Variants in LTBP2 observed in about 807,000 individuals in gnomAD.
LTBP2 encodes the protein latent transforming growth factor beta binding protein 2.
LTBP2 carries 103 observed loss-of-function variants against 210.6 expected under a neutral mutation model. That is an observed-to-expected ratio of 0.49 (90% CI 0.42 to 0.58). The LOEUF is 0.58. Among genes scored for constraint, LTBP2 ranks in the 20% least tolerant of loss-of-function variants. The pLI is 0.00. For missense variants in LTBP2, 2,313 were observed against 2,494.5 expected (o/e 0.93, Z 1.55); for synonymous variants, 1,007 against 1,015.0 (o/e 0.99, Z 0.15).
chr14:74,551,810 AT>A (rs1320531487), intron 6 of LTBP2, among the ~76,000 whole-genome samples: 1 of 152,064 alleles, frequency 6.6e-6, no homozygotes, highest in African/African-American at 2.4e-5. Context: ...AGCATTCTGT[AT>A]TTTTTTGGCA....
chr14:74,503,732 CCCAG>C, intron 31 of LTBP2, 126 bp from the exon 32 acceptor site: 1 of 1,358,076 alleles, frequency 7.4e-7, no homozygotes, highest in South Asian at 1.3e-5. Context: ...CTCAACCCAG[CCCAG>C]CCTGGAAGGC....
chr14:74,508,688 C>T lies in LTBP2; in HGVS notation c.3568G>A (p.Gly1190Ser), dbSNP rs765603513. 8.7e-6 allele frequency: 14 copies of T among 1,613,608 alleles called. No individual in the cohort carries two copies. The highest frequency in any genetic ancestry group is 4.0e-5 in the African/African-American group (3 of 74,918). The change falls in exon 24 of 36, where the codon GGC becomes AGC. Residue 1190 changes from glycine (G) to serine (S), a missense_variant. Gly to Ser is a moderately conservative substitution (Grantham distance 56). Around this residue, in one of 3 missense-constraint regions of LTBP2, gnomAD observed 1,867 missense variants for 1,976.9 expected, o/e 0.94. Transcript: ENST00000261978. Reference sequence around the variant, plus strand: ...GACCCGTGGCTGTTGAGGCACTCGCCGTGGGGTGCGCAGTGCTCCTCCCCC... The same window carrying T: ...GACCCGTGGCTGTTGAGGCACTCGCTGTGGGGTGCGCAGTGCTCCTCCCCC... ...CMGEEHCAPH[G>S]ECLNSHGSFF...
Position 74,506,789 on chromosome 14 carries a change from G to T in LTBP2, c.3942C>A (p.Gly1314=). Residue 1314 remains glycine (G), a synonymous_variant, in exon 27 of 36, where the codon GGC becomes GGA. Transcript: ENST00000261978. ...IDECANDTMC[G]SHGFCDNTDG... is the part of the protein sequence containing the mutation. ...CAGTGTTGTCACAGAAGCCGTGGCT[G>T]CCACACATGGTGTCGTTGGCGCACT... is the stretch of plus-strand genomic sequence containing the variant. 1 of 1,614,074 alleles carries T rather than the reference G, an allele frequency of 6.2e-7. No individual in the cohort carries two copies. Among genetic ancestry groups the T allele is most frequent in the Non-Finnish European group, 8.5e-7 (1 of 1,180,022 alleles).
chr14:74,574,435 A>T (rs8006807), intron 3 of LTBP2, among the ~76,000 whole-genome samples: 15,070 of 152,220 alleles, frequency 0.099, 1,085 homozygotes, highest in African/African-American at 0.2. Context: ...ACACGACACA[A>T]TTGACCAAAA....
At chr14:74,609,514 T>C (rs531502189) in intron 1 of LTBP2, among the ~76,000 whole-genome samples, 156 of 152,120 alleles carry the variant, frequency 1.0e-3, no homozygotes, top group African/African-American at 3.7e-3. Context: ...GCCCAAGCTA[T>C]GTCTCTAGGT....
Position 74,503,552 on chromosome 14 carries a change from T to C in LTBP2, c.4637A>G (p.Glu1546Gly). The part of the protein sequence containing the change: ...ACENGECVNT[E>G]GSFHCFCSPP... The stretch of plus-strand genomic sequence containing the variant: ...GCTGCAGAAGCAGTGGAAGGAGCCC[T>C]CCGTGTTGACGCACTCGCCATTCTC... Residue 1546 changes from glutamate (E) to glycine (G), a missense_variant, in exon 32 of 36, where the codon GAG becomes GGG. Physicochemically the swap from Glu to Gly is moderately conservative, Grantham distance 98 (BLOSUM62 -2). Coordinates refer to ENST00000261978, the MANE Select transcript of LTBP2 (RefSeq NM_000428.3). 4 of 1,613,854 alleles carry C rather than the reference T, an allele frequency of 2.5e-6. No homozygotes were observed. Among genetic ancestry groups the C allele is most frequent in the Non-Finnish European group, 3.4e-6 (4 of 1,179,996 alleles).
intron 3 of LTBP2, among the ~76,000 whole-genome samples, chr14:74,567,360 TGC>T (rs2087918332): frequency 6.6e-6 from 1 of 152,156 alleles, no homozygotes; most frequent in African/African-American, 2.4e-5. Context: ...CTCGAGATCC[TGC>T]GCGGCCTTTG....
rs571635971 is a variant in LTBP2, at chr14:74,545,858, T to C, written c.1789+4005A>G. Among the ~76,000 whole-genome samples the C allele has an allele frequency of 7.2e-5, 11 of 152,306 alleles. No individual in the cohort carries two copies. In the South Asian group the frequency reaches 2.3e-3, roughly 32 times the overall value. On this transcript the variant is annotated intron_variant, in intron 8 of 35. Coordinates refer to ENST00000261978, the MANE Select transcript of LTBP2 (RefSeq NM_000428.3). Reference sequence around the variant, plus strand: ...AGTTCAGCTGGGTACACATTACCTCTACCACTCAGAGTGAAGGGAGCAGAG... The same window carrying C: ...AGTTCAGCTGGGTACACATTACCTCCACCACTCAGAGTGAAGGGAGCAGAG...
intron 2 of LTBP2, among the ~76,000 whole-genome samples, chr14:74,592,668 C>T (rs2088298447): frequency 6.6e-6 from 1 of 152,120 alleles, no homozygotes; most frequent in African/African-American, 2.4e-5. Flanking sequence ...CAGTGCACTC[C>T]AGCCTGGGCA....
chr14:74,514,306 G>A (rs879787587), intron 18 of LTBP2, among the ~76,000 whole-genome samples: 16 of 152,334 alleles, frequency 1.1e-4, no homozygotes, highest in Admixed American at 2.6e-4. Context: ...GCCCATGGCC[G>A]ACACAGCTGG....
chr14:74,605,527 G>A (rs951825205), intron 1 of LTBP2, among the ~76,000 whole-genome samples: 3 of 152,192 alleles, frequency 2.0e-5, no homozygotes, highest in Admixed American at 1.3e-4. Flanking sequence ...GGGAAACTAC[G>A]TACCCACTTT....
At chr14:74,504,408 A>G (rs1287472029) in intron 30 of LTBP2, among the ~76,000 whole-genome samples, 1 of 152,134 alleles carries the variant, frequency 6.6e-6, no homozygotes, top group Non-Finnish European at 1.5e-5. Context: ...TGTTCCCCAG[A>G]GTTTCTGGCC....
Position 74,499,851 on chromosome 14 carries a change from C to G in LTBP2, c.*1033G>C, listed in dbSNP as rs572909673. 1.7e-5 allele frequency: 4 copies of G among 230,712 alleles called. No homozygotes were observed. The highest frequency in any genetic ancestry group is 3.4e-5 in the Non-Finnish European group (4 of 116,554). The allele number at this position is 230,712 out of a possible 1,614,324, so 14.3% of individuals were successfully genotyped here. On this transcript the variant is annotated 3_prime_UTR_variant, in exon 36 of 36. Transcript: ENST00000261978. Reference sequence around the variant, plus strand: ...GCTTGTAAACTCAGAGGAATGCCTGCCATCGTTTTCTGAAGGGAAAGGGCA... The same window carrying G: ...GCTTGTAAACTCAGAGGAATGCCTGGCATCGTTTTCTGAAGGGAAAGGGCA...
chr14:74,506,628 A>G, intron 27 of LTBP2, 70 bp downstream of exon 27: 2 of 1,600,784 alleles, frequency 1.2e-6, no homozygotes, highest in Non-Finnish European at 1.7e-6. Context: ...GACCAGGACC[A>G]GTTGAGGAGG....
chr14:74,589,464 C>A (rs1007682177), intron 2 of LTBP2, among the ~76,000 whole-genome samples: 1 of 152,228 alleles, frequency 6.6e-6, no homozygotes, highest in Non-Finnish European at 1.5e-5. Context: ...AGCATTCCAA[C>A]CACAAGTTGG....
At chr14:74,502,029 A>G (rs1201162804) in intron 34 of LTBP2, 4 of 297,952 alleles carry the variant, frequency 1.3e-5, no homozygotes, top group Non-Finnish European at 2.6e-5. Flanking sequence ...CAAAACATTG[A>G]CCAGATCTAC....
intron 3 of LTBP2, among the ~76,000 whole-genome samples, chr14:74,564,707 C>G (rs1198849658): frequency 6.6e-6 from 1 of 151,964 alleles, no homozygotes; most frequent in Non-Finnish European, 1.5e-5. Context: ...TTTAATGACA[C>G]TTTCTTTGTG....
intron 11 of LTBP2, 64 bp downstream of exon 11, chr14:74,528,894 G>A: frequency 6.3e-7 from 1 of 1,586,838 alleles, no homozygotes. Context: ...ACCCAGGCCT[G>A]GCAACATGGT....
chr14:74,546,721 C>G (rs1486121854), intron 8 of LTBP2, among the ~76,000 whole-genome samples: 1 of 152,220 alleles, frequency 6.6e-6, no homozygotes, highest in African/African-American at 2.4e-5. Context: ...CAGAGCTCTG[C>G]TCCCGTGCCC....
Sources: allele counts gnomAD v4.1 joint callset (sites outside exome capture counted in the v4.1 genomes callset), GRCh38; gene constraint gnomAD v4.1.1; regional missense constraint gnomAD v4.1.1; transcripts MANE v1.5; gene names NCBI Gene and HGNC (gene_info 2026-07-23, HGNC 2026-07-21).